The following CNTN4 variants were observed in gnomAD, a reference collection of about 807,000 sequenced individuals.
CNTN4 encodes the protein contactin 4.
CNTN4 carries 77 observed loss-of-function variants against 122.5 expected under a neutral mutation model. The observed-to-expected ratio is 0.63, with a 90% CI of 0.52 to 0.76. The LOEUF is 0.76. CNTN4 is among the 30% of genes least tolerant of loss of function. CNTN4 has a pLI of 0.00. For missense variants in CNTN4, 1,256 were observed against 1,259.1 expected, an observed-to-expected ratio of 1.00 and a Z score of 0.04; for synonymous variants, 512 against 447.0, an observed-to-expected ratio of 1.15 and a Z score of -1.83.
chr3:2,396,906 TG>T (rs1476524569), intron 3 of CNTN4, among the ~76,000 whole-genome samples: 2 of 152,168 alleles, frequency 1.3e-5, no homozygotes, highest in Non-Finnish European at 2.9e-5. Flanking sequence ...TGGTGTGTTA[TG>T]GGGTTTAGGA....
chr3:2,105,628 T>C (rs1411725412), intron 2 of CNTN4, among the ~76,000 whole-genome samples: 1 of 152,106 alleles, frequency 6.6e-6, no homozygotes, highest in Non-Finnish European at 1.5e-5. Flanking sequence ...TGCAATCACC[T>C]CCTACCAGGT....
At chr3:2,906,327 C>T (rs2094231877) in intron 12 of CNTN4, among the ~76,000 whole-genome samples, 1 of 151,932 alleles carries the variant, frequency 6.6e-6, no homozygotes, top group Non-Finnish European at 1.5e-5. Context: ...GCTGAGGGAG[C>T]GGATGTTAAG....
At chr3:2,361,741 T>C (rs1181561809) in intron 3 of CNTN4, among the ~76,000 whole-genome samples, 1 of 152,222 alleles carries the variant, frequency 6.6e-6, no homozygotes, top group African/African-American at 2.4e-5. Flanking sequence ...TCTTGTACTA[T>C]TGTGTGGCCG....
intron 4 of CNTN4, among the ~76,000 whole-genome samples, chr3:2,654,588 G>A (rs1237577431): frequency 1.3e-5 from 2 of 152,266 alleles, no homozygotes; most frequent in East Asian, 3.9e-4. Context: ...CTTTCTCAAA[G>A]CCTAGTCAGG....
intron 2 of CNTN4, among the ~76,000 whole-genome samples, chr3:2,303,916 G>A (rs1396467970): frequency 1.3e-5 from 2 of 152,172 alleles, no homozygotes; most frequent in Non-Finnish European, 2.9e-5. Context: ...AGAATACTGT[G>A]TAAACGGTAT....
chr3:2,685,172 C>T (rs950985720), intron 4 of CNTN4, among the ~76,000 whole-genome samples: 2 of 152,124 alleles, frequency 1.3e-5, no homozygotes, highest in African/African-American at 4.8e-5. Flanking sequence ...CATCAGGAAT[C>T]ATCTTTATCA....
intron 2 of CNTN4, among the ~76,000 whole-genome samples, chr3:2,229,128 G>T (rs7613221): frequency 6.6e-6 from 1 of 151,944 alleles, no homozygotes; most frequent in Non-Finnish European, 1.5e-5. Context: ...AAAATAAGTT[G>T]GCTAAGATGA....
chr3:2,246,294 T>C (rs1055577040), intron 2 of CNTN4, among the ~76,000 whole-genome samples: 1 of 152,048 alleles, frequency 6.6e-6, no homozygotes, highest in Non-Finnish European at 1.5e-5. Flanking sequence ...CATTTACTTA[T>C]TCATTCAGCA....
chr3:2,324,703 T>C (rs1486097795), intron 2 of CNTN4, among the ~76,000 whole-genome samples: 1 of 152,154 alleles, frequency 6.6e-6, no homozygotes, highest in Non-Finnish European at 1.5e-5. Flanking sequence ...TGTCCACAGA[T>C]TAAAATGAGA....
intron 3 of CNTN4, among the ~76,000 whole-genome samples, chr3:2,430,168 A>G (rs973381524): frequency 4.6e-5 from 7 of 152,062 alleles, no homozygotes; most frequent in South Asian, 4.1e-4. Context: ...TCACACCTGT[A>G]ATCCCAGCAC....
chr3:2,959,498 T>TG (rs2094831868), intron 13 of CNTN4, among the ~76,000 whole-genome samples: 1 of 151,988 alleles, frequency 6.6e-6, no homozygotes, highest in Non-Finnish European at 1.5e-5. Context: ...CAACATATTG[T>TG]GAAAAAAAAT....
intron 14 of CNTN4, among the ~76,000 whole-genome samples, chr3:3,009,491 T>C (rs1050683038): frequency 3.3e-5 from 5 of 151,912 alleles, no homozygotes; most frequent in Admixed American, 2.6e-4. Context: ...TGGAGTGCAG[T>C]GGCGCGATCT....
At chr3:2,459,980 A>G (rs1020634508) in intron 3 of CNTN4, among the ~76,000 whole-genome samples, 2 of 152,086 alleles carry the variant, frequency 1.3e-5, no homozygotes, top group African/African-American at 4.8e-5. Context: ...ATCTTTCACA[A>G]GATAGCGCAT....
At chr3:2,153,104 G>C (rs1262642942) in intron 2 of CNTN4, among the ~76,000 whole-genome samples, 1 of 152,188 alleles carries the variant, frequency 6.6e-6, no homozygotes, top group African/African-American at 2.4e-5. Flanking sequence ...CTCAGTAATA[G>C]AGAATCCAGG....
intron 3 of CNTN4, among the ~76,000 whole-genome samples, chr3:2,408,368 G>A (rs573981880): frequency 6.8e-4 from 103 of 152,244 alleles, no homozygotes; most frequent in African/African-American, 2.5e-3. Context: ...ATTCATCTGG[G>A]AAATGATTTA....
At chr3:2,605,157 C>T (rs1170689022) in intron 4 of CNTN4, among the ~76,000 whole-genome samples, 1 of 152,292 alleles carries the variant, frequency 6.6e-6, no homozygotes, top group East Asian at 1.9e-4. Context: ...GGCATGCACA[C>T]CATGCCTGTC....
intron 3 of CNTN4, among the ~76,000 whole-genome samples, chr3:2,414,204 AG>A (rs1400860032): frequency 6.6e-6 from 1 of 152,244 alleles, no homozygotes; most frequent in Non-Finnish European, 1.5e-5. Flanking sequence ...TTCATAGACC[AG>A]TGATGATACT....
chr3:2,559,833 A>G (rs1475387577), intron 3 of CNTN4, among the ~76,000 whole-genome samples: 1 of 152,198 alleles, frequency 6.6e-6, no homozygotes, highest in Admixed American at 6.5e-5. Context: ...CTTTGAGAGT[A>G]TGTGTTCATA....
chr3:2,357,813 A>G (rs1024777875), intron 3 of CNTN4, among the ~76,000 whole-genome samples: 17 of 152,238 alleles, frequency 1.1e-4, no homozygotes. Context: ...ATAAATTGCT[A>G]TCATCTTCTT....
Sources: allele counts gnomAD v4.1 joint callset (sites outside exome capture counted in the v4.1 genomes callset), GRCh38; gene constraint gnomAD v4.1.1; transcripts MANE v1.5; gene names NCBI Gene and HGNC (gene_info 2026-07-23, HGNC 2026-07-21).